The following KCNIP4 variants were observed in gnomAD, a reference collection of about 807,000 sequenced individuals.
KCNIP4 encodes potassium voltage-gated channel interacting protein 4, also known as Kv channel-interacting protein 4.
In KCNIP4, 12 loss-of-function variants were observed where a neutral mutation model predicts 34.0. That is an observed-to-expected ratio of 0.35 (90% CI 0.23 to 0.57). The LOEUF (loss-of-function observed/expected upper bound fraction) is 0.57, where lower values mean the gene tolerates loss of function less well. Ranked by LOEUF, KCNIP4 falls within the 20% of genes least tolerant of loss-of-function variation. The pLI, the probability that KCNIP4 is intolerant of heterozygous loss-of-function variation, is 0.83. For synonymous variants in KCNIP4, 124 were observed against 102.2 expected, an observed-to-expected ratio of 1.21 and a Z score of -1.29; for missense variants, 238 against 311.7, an observed-to-expected ratio of 0.76 and a Z score of 1.78.
At chr4:21,221,618 A>C (rs539181140) in intron 1 of KCNIP4, among the ~76,000 whole-genome samples, 1 of 152,154 alleles carries the variant, frequency 6.6e-6, no homozygotes, top group South Asian at 2.1e-4. Flanking sequence ...CTCCCTTGAC[A>C]TGTGGAGATT....
chr4:21,767,593 T>C (rs1447196418), intron 1 of KCNIP4, among the ~76,000 whole-genome samples: 1 of 152,102 alleles, frequency 6.6e-6, no homozygotes, highest in Non-Finnish European at 1.5e-5. Context: ...TTTTAGCTTA[T>C]TTTTATTTCA....
At chr4:21,889,797 G>A (rs1726987557) in intron 1 of KCNIP4, among the ~76,000 whole-genome samples, 1 of 152,246 alleles carries the variant, frequency 6.6e-6, no homozygotes, top group Non-Finnish European at 1.5e-5. Flanking sequence ...AGGCAAGACC[G>A]AATAATGCTG....
At chr4:20,848,176 G>A (rs1046845342) in intron 3 of KCNIP4, among the ~76,000 whole-genome samples, 1 of 152,116 alleles carries the variant, frequency 6.6e-6, no homozygotes, top group Non-Finnish European at 1.5e-5. Flanking sequence ...TTCTTTTAAA[G>A]AAGTATATAA....
At chr4:21,150,531 A>T (rs1752682500) in intron 1 of KCNIP4, among the ~76,000 whole-genome samples, 1 of 152,154 alleles carries the variant, frequency 6.6e-6, no homozygotes, top group South Asian at 2.1e-4. Flanking sequence ...TAGAGGAGGG[A>T]GTGATAGAGT....
chr4:21,028,513 A>G (rs1577561391), intron 1 of KCNIP4, among the ~76,000 whole-genome samples: 1 of 152,220 alleles, frequency 6.6e-6, no homozygotes, highest in Non-Finnish European at 1.5e-5. Context: ...GATCCAATGT[A>G]CTGTAGTAAA....
chr4:20,813,926 A>C (rs1014097177), intron 3 of KCNIP4, among the ~76,000 whole-genome samples: 1 of 152,182 alleles, frequency 6.6e-6, no homozygotes, highest in Non-Finnish European at 1.5e-5. Context: ...CCAGCAAGTC[A>C]CTGCAGTTGT....
chr4:21,449,456 A>AG, intron 1 of KCNIP4, among the ~76,000 whole-genome samples: 1 of 152,188 alleles, frequency 6.6e-6, no homozygotes, highest in East Asian at 1.9e-4. Context: ...AGGACTTTGG[A>AG]GCTGATGATA....
At chr4:21,029,240 A>T (rs1740803629) in intron 1 of KCNIP4, among the ~76,000 whole-genome samples, 1 of 152,198 alleles carries the variant, frequency 6.6e-6, no homozygotes, top group African/African-American at 2.4e-5. Flanking sequence ...ACACTAAGAA[A>T]TCTACCCAAG....
intron 1 of KCNIP4, among the ~76,000 whole-genome samples, chr4:21,789,854 T>C (rs1205457745): frequency 6.6e-6 from 1 of 152,216 alleles, no homozygotes. Context: ...CCCACCCAAG[T>C]TGGGCCTTCC....
At chr4:21,801,286 T>C (rs905779410) in intron 1 of KCNIP4, among the ~76,000 whole-genome samples, 6 of 152,118 alleles carry the variant, frequency 3.9e-5, no homozygotes, top group African/African-American at 1.4e-4. Flanking sequence ...CTAAAATAGA[T>C]TGATAAATGT....
intron 1 of KCNIP4, among the ~76,000 whole-genome samples, chr4:21,177,569 G>A (rs1271576137): frequency 1.3e-5 from 2 of 152,056 alleles, no homozygotes; most frequent in South Asian, 4.1e-4. Flanking sequence ...GCTCACACCT[G>A]TAGGGGTCGC....
At chr4:21,524,794 ATT>A (rs139681391) in intron 1 of KCNIP4, among the ~76,000 whole-genome samples, 2 of 150,152 alleles carry the variant, frequency 1.3e-5, no homozygotes, top group African/African-American at 2.4e-5. Context: ...TTGACTAGTG[ATT>A]TTTTTTTTAT....
chr4:20,830,240 G>A (rs149646599), intron 3 of KCNIP4, among the ~76,000 whole-genome samples: 1 of 152,244 alleles, frequency 6.6e-6, no homozygotes, highest in African/African-American at 2.4e-5. Flanking sequence ...CCCTATGTTT[G>A]ACTGCTTCTC....
chr4:21,817,404 CAT>C lies in KCNIP4; in HGVS notation c.61+131165_61+131166del, dbSNP rs552970738. Among the ~76,000 whole-genome samples the C allele has an allele frequency of 4.5e-3, 679 of 152,250 alleles. 2 individuals are homozygous for C. Among genetic ancestry groups the C allele is most frequent in the Non-Finnish European group, 8.2e-3 (557 of 68,002 alleles). The stretch of plus-strand genomic sequence containing the variant: ...TTAACTGTACAAATTGATTGTAAAA[CAT>C]GTGTGTTTGCACAATATGAAATCAG... On this transcript the variant is annotated intron_variant, in intron 1 of 8. Coordinates refer to ENST00000382152, the MANE Select transcript of KCNIP4 (RefSeq NM_025221.6).
intron 1 of KCNIP4, among the ~76,000 whole-genome samples, chr4:21,101,103 C>T (rs1473064051): frequency 1.3e-5 from 2 of 152,164 alleles, no homozygotes; most frequent in Admixed American, 6.5e-5. Flanking sequence ...TTTCAACCCT[C>T]ATGCCCCTGC....
At chr4:21,605,305 T>C (rs1743551972) in intron 1 of KCNIP4, among the ~76,000 whole-genome samples, 1 of 152,146 alleles carries the variant, frequency 6.6e-6, no homozygotes, top group Admixed American at 6.5e-5. Context: ...GTAAATAAAC[T>C]TTCCTTGGAG....
At chr4:21,166,938 C>CA (rs55649635) in intron 1 of KCNIP4, among the ~76,000 whole-genome samples, 8,060 of 37,544 alleles carry the variant, frequency 0.21, 2,333 homozygotes, top group East Asian at 0.27. Context: ...CACTCCATCT[C>CA]AAAAAAAAAA....
At position 21,666,832 on chromosome 4, in the gene KCNIP4, G is replaced by C. The variant is rs553107654; in HGVS notation, c.61+281739C>G. ...CTTCAGCTAGTGGTGGTGAATAAGG[G>C]GGAGGAAAGAGAGCCACATTGAATG... On this transcript the variant is annotated intron_variant, in intron 1 of 8. Coordinates refer to ENST00000382152, the MANE Select transcript of KCNIP4 (RefSeq NM_025221.6). Among the ~76,000 whole-genome samples the C allele has an allele frequency of 2.0e-5, 3 of 152,270 alleles. No individual in the cohort carries two copies. The East Asian group carries it at 5.8e-4, about 29-fold the overall frequency.
intron 1 of KCNIP4, among the ~76,000 whole-genome samples, chr4:20,912,493 TA>T (rs1728422609): frequency 6.6e-6 from 1 of 152,056 alleles, no homozygotes; most frequent in African/African-American, 2.4e-5. Flanking sequence ...ATATAACAAC[TA>T]AAGCGTAAGT....
Sources: allele counts gnomAD v4.1 joint callset (sites outside exome capture counted in the v4.1 genomes callset), GRCh38; gene constraint gnomAD v4.1.1; transcripts MANE v1.5; gene names NCBI Gene and HGNC (gene_info 2026-07-23, HGNC 2026-07-21).